Variants in LRMDA observed in about 807,000 individuals in gnomAD.
LRMDA encodes the protein leucine rich melanocyte differentiation associated.
Under a neutral mutation model 29.8 loss-of-function variants are expected in LRMDA, and 18 were observed. That is an observed-to-expected ratio of 0.60 (90% confidence interval 0.42 to 0.90). The LOEUF is 0.90. LRMDA is among the 40% of genes least tolerant of loss of function. The probability of loss-of-function intolerance (pLI) is 0.00; values close to 1 mark genes in which losing one functional copy is unlikely to be tolerated. For synonymous variants in LRMDA, 125 were observed against 109.4 expected, an observed-to-expected ratio of 1.14 and a Z score of -0.89; for missense variants, 273 against 273.9, an observed-to-expected ratio of 1.00 and a Z score of 0.02.
intron 2 of LRMDA, among the ~76,000 whole-genome samples, chr10:75,800,432 CTTTTTCTTTTTTT>C (rs1171423220): frequency 8.1e-6 from 1 of 123,058 alleles, no homozygotes. Flanking sequence ...GTCTGATAAT[CTTTTTCTTTTTTT>C]TTTTTCTTTT....
intron 2 of LRMDA, among the ~76,000 whole-genome samples, chr10:75,519,874 G>C (rs1391607836): frequency 1.3e-5 from 2 of 152,118 alleles, no homozygotes; most frequent in African/African-American, 2.4e-5. Flanking sequence ...GGCAGTTCTG[G>C]TGGTGACAAA....
At chr10:75,678,005 T>G (rs1022101726) in intron 2 of LRMDA, among the ~76,000 whole-genome samples, 1 of 152,206 alleles carries the variant, frequency 6.6e-6, no homozygotes, top group Non-Finnish European at 1.5e-5. Context: ...GTAACATGTG[T>G]TTCCCAAAGC....
At chr10:76,040,694 A>G (rs972145980) in intron 3 of LRMDA, among the ~76,000 whole-genome samples, 1 of 152,174 alleles carries the variant, frequency 6.6e-6, no homozygotes, top group African/African-American at 2.4e-5. Context: ...ATCAACCCCA[A>G]GTAAGGTTGA....
chr10:76,340,185 A>T (rs1039529356), intron 6 of LRMDA, among the ~76,000 whole-genome samples: 1 of 152,150 alleles, frequency 6.6e-6, no homozygotes, highest in African/African-American at 2.4e-5. Context: ...TAAAAAAGAA[A>T]ATGGGATTAT....
At chr10:75,726,244 G>T (rs1354995223) in intron 2 of LRMDA, among the ~76,000 whole-genome samples, 2 of 152,166 alleles carry the variant, frequency 1.3e-5, no homozygotes, top group African/African-American at 4.8e-5. Flanking sequence ...GGAGAAGAAC[G>T]AAAGTTGCAG....
chr10:75,625,367 G>A (rs1205875150), intron 2 of LRMDA, among the ~76,000 whole-genome samples: 1 of 152,116 alleles, frequency 6.6e-6, no homozygotes, highest in Non-Finnish European at 1.5e-5. Context: ...CAACTGATAG[G>A]AGACACAGGA....
intron 6 of LRMDA, among the ~76,000 whole-genome samples, chr10:76,456,213 A>G (rs1842455364): frequency 6.6e-6 from 1 of 152,206 alleles, no homozygotes; most frequent in Admixed American, 6.5e-5. Flanking sequence ...CCTGGCTTCT[A>G]GAGTGGGGTG....
At chr10:75,950,065 G>A (rs1212706280) in intron 2 of LRMDA, among the ~76,000 whole-genome samples, 1 of 152,184 alleles carries the variant, frequency 6.6e-6, no homozygotes, top group African/African-American at 2.4e-5. Context: ...TTGCCAAGAC[G>A]GCAAAATGTG....
chr10:75,805,332 G>T (rs1310025435), intron 2 of LRMDA, among the ~76,000 whole-genome samples: 1 of 152,222 alleles, frequency 6.6e-6, no homozygotes, highest in African/African-American at 2.4e-5. Flanking sequence ...TGCCTGAGAG[G>T]AGTGCTTCGT....
chr10:76,157,980 C>T (rs201649358), intron 5 of LRMDA, among the ~76,000 whole-genome samples: 5 of 151,394 alleles, frequency 3.3e-5, no homozygotes, highest in Admixed American at 2.6e-4. Flanking sequence ...TGTATCTAAA[C>T]AAAAAAAAAG....
chr10:76,433,140 T>A (rs895667510), intron 6 of LRMDA, among the ~76,000 whole-genome samples: 1 of 152,192 alleles, frequency 6.6e-6, no homozygotes, highest in African/African-American at 2.4e-5. Flanking sequence ...TGCAGCTGAA[T>A]TAAGTGATCT....
intron 5 of LRMDA, among the ~76,000 whole-genome samples, chr10:76,066,513 C>T (rs72813563): frequency 0.012 from 1,890 of 152,296 alleles, 20 homozygotes; most frequent in South Asian, 0.026. Flanking sequence ...GTTCTTTCCC[C>T]TCTATGCCTT....
intron 5 of LRMDA, among the ~76,000 whole-genome samples, chr10:76,112,829 TTCTC>T (rs997648623): frequency 5.3e-5 from 8 of 152,176 alleles, no homozygotes; most frequent in African/African-American, 1.9e-4. Context: ...TGGTTGCTGC[TTCTC>T]TCTCTCTTTT....
At chr10:75,987,675 G>C (rs142643085) in intron 2 of LRMDA, among the ~76,000 whole-genome samples, 3 of 152,136 alleles carry the variant, frequency 2.0e-5, no homozygotes, top group Non-Finnish European at 4.4e-5. Flanking sequence ...AGATGGCTCT[G>C]TGTGGGCAAA....
At chr10:75,550,655 A>G (rs567744104) in intron 2 of LRMDA, among the ~76,000 whole-genome samples, 1 of 152,156 alleles carries the variant, frequency 6.6e-6, no homozygotes, top group East Asian at 1.9e-4. Context: ...ATTTATCCTT[A>G]ATGTAACTAT....
intron 2 of LRMDA, among the ~76,000 whole-genome samples, chr10:75,701,840 T>C (rs953098591): frequency 1.3e-5 from 2 of 152,180 alleles, no homozygotes; most frequent in Admixed American, 1.3e-4. Flanking sequence ...ATAACCTTTG[T>C]TTCTGATCCA....
intron 6 of LRMDA, among the ~76,000 whole-genome samples, chr10:76,516,008 A>T (rs979185733): frequency 2.0e-5 from 3 of 152,160 alleles, no homozygotes; most frequent in African/African-American, 4.8e-5. Context: ...ACACTGGGGG[A>T]TATGAATAAA....
intron 2 of LRMDA, among the ~76,000 whole-genome samples, chr10:75,799,270 G>A (rs1014610125): frequency 3.3e-5 from 5 of 152,074 alleles, no homozygotes; most frequent in African/African-American, 4.8e-5. Flanking sequence ...TTTATGATTC[G>A]TATGTCTTCC....
intron 6 of LRMDA, among the ~76,000 whole-genome samples, chr10:76,546,604 C>T (rs1843423980): frequency 6.6e-6 from 1 of 152,168 alleles, no homozygotes; most frequent in African/African-American, 2.4e-5. Flanking sequence ...GGCCTCTCGG[C>T]TGAAATGGAG....
Sources: allele counts gnomAD v4.1 joint callset (sites outside exome capture counted in the v4.1 genomes callset), GRCh38; gene constraint gnomAD v4.1.1; transcripts MANE v1.5; gene names NCBI Gene and HGNC (gene_info 2026-07-23, HGNC 2026-07-21).